CABCOCO1: variants seen among roughly 807,000 people sequenced by gnomAD.
CABCOCO1 encodes ciliary-associated calcium-binding coiled-coil protein 1.
In CABCOCO1, 28 loss-of-function variants were observed where a neutral mutation model predicts 35.7. The observed-to-expected ratio is 0.78, with a 90% CI of 0.58 to 1.07. The LOEUF is 1.07. Among genes scored for constraint, CABCOCO1 ranks in the 50% least tolerant of loss-of-function variants. CABCOCO1 has a pLI of 0.00. For synonymous variants in CABCOCO1, 95 were observed against 100.1 expected, an observed-to-expected ratio of 0.95 and a Z score of 0.30; for missense variants, 326 against 309.2, an observed-to-expected ratio of 1.05 and a Z score of -0.41.
intron 5 of CABCOCO1, among the ~76,000 whole-genome samples, chr10:61,746,551 G>T (rs1235347203): frequency 2.0e-5 from 3 of 152,108 alleles, no homozygotes; most frequent in African/African-American, 7.2e-5. Context: ...TTGTATATCA[G>T]CTTGCTACAC....
At chr10:61,693,537 A>C (rs1840212393) in intron 5 of CABCOCO1, among the ~76,000 whole-genome samples, 1 of 152,180 alleles carries the variant, frequency 6.6e-6, no homozygotes, top group Non-Finnish European at 1.5e-5. Context: ...ATAAGTGAGG[A>C]AAGAATGATG....
chr10:61,668,807 A>G (rs542623139), intron 1 of CABCOCO1, among the ~76,000 whole-genome samples: 28 of 149,118 alleles, frequency 1.9e-4, no homozygotes, highest in African/African-American at 6.2e-4. Context: ...ACAGAATTGA[A>G]GGAAGTGCCA....
chr10:61,680,691 A>AT (rs1564532809), intron 2 of CABCOCO1, among the ~76,000 whole-genome samples: 3,742 of 95,378 alleles, frequency 0.039, 676 homozygotes, highest in African/African-American at 0.15. Flanking sequence ...ATACATGTAT[A>AT]ACATATATAT....
At chr10:61,733,690 A>G (rs1162964733) in intron 5 of CABCOCO1, among the ~76,000 whole-genome samples, 3 of 152,130 alleles carry the variant, frequency 2.0e-5, no homozygotes, top group African/African-American at 2.4e-5. Context: ...CTTTCAAAAT[A>G]TAAGAAACAT....
chr10:61,741,574 CAAT>C (rs143479610), intron 5 of CABCOCO1, among the ~76,000 whole-genome samples: 61,200 of 151,796 alleles, frequency 0.4, 14,391 homozygotes, highest in Middle Eastern at 0.54. Flanking sequence ...ATGATGTTAC[CAAT>C]AATAAGTTGT....
intron 2 of CABCOCO1, among the ~76,000 whole-genome samples, chr10:61,680,669 A>ATATAT (rs1157735137): frequency 1.4e-5 from 1 of 73,562 alleles, no homozygotes; most frequent in African/African-American, 4.1e-5. Flanking sequence ...ATACATGTAT[A>ATATAT]ACATATATGT....
chr10:61,672,378 A>C (rs1181037414), intron 1 of CABCOCO1, among the ~76,000 whole-genome samples: 1 of 152,186 alleles, frequency 6.6e-6, no homozygotes, highest in African/African-American at 2.4e-5. Context: ...TTAGATAATA[A>C]ATATTTGTTG....
chr10:61,686,065 G>A lies in CABCOCO1; in HGVS notation c.359G>A (p.Ser120Asn). 1.9e-6 allele frequency: 3 copies of A among 1,606,300 alleles called. No individual in the cohort carries two copies. Among genetic ancestry groups the A allele is most frequent in the Non-Finnish European group, 2.5e-6 (3 of 1,178,010 alleles). ...GCACTACATATGTCCTTAGAGGAAA[G>A]CATAAAATGGCTTGGAGAAGTTATG... ...LKTLHMSLEE[S>N]IKWLGEVMAE... is the part of the protein sequence containing the mutation. Residue 120 changes from serine (S) to asparagine (N), a missense_variant, in exon 4 of 8, where the codon AGC becomes AAC. By Grantham distance (46) the Ser-to-Asn change is conservative. Transcript: ENST00000648843.
At chr10:61,673,611 A>C (rs564734323) in intron 2 of CABCOCO1, among the ~76,000 whole-genome samples, 1 of 152,320 alleles carries the variant, frequency 6.6e-6, no homozygotes, top group Non-Finnish European at 1.5e-5. Flanking sequence ...CTGAGAAGGG[A>C]ATATGACAGA....
chr10:61,665,446 A>G (rs1839135592), intron 1 of CABCOCO1, among the ~76,000 whole-genome samples: 6 of 152,272 alleles, frequency 3.9e-5, no homozygotes, highest in Admixed American at 3.9e-4. Flanking sequence ...AATGCATAAC[A>G]GAAAAAATGA....
At chr10:61,680,665 GTATAACA>G (rs1839734927) in intron 2 of CABCOCO1, among the ~76,000 whole-genome samples, 1 of 61,280 alleles carries the variant, frequency 1.6e-5, no homozygotes, top group Non-Finnish European at 3.3e-5. Flanking sequence ...TGTTATACAT[GTATAACA>G]TATATGTTAT....
intron 5 of CABCOCO1, among the ~76,000 whole-genome samples, chr10:61,751,870 A>G (rs1841796500): frequency 1.3e-5 from 2 of 152,198 alleles, no homozygotes; most frequent in South Asian, 4.1e-4. Flanking sequence ...TTAAGGGGAA[A>G]AAAATCTACA....
chr10:61,724,157 G>T (rs759750108), intron 5 of CABCOCO1, among the ~76,000 whole-genome samples: 5 of 151,930 alleles, frequency 3.3e-5, no homozygotes, highest in Non-Finnish European at 5.9e-5. Context: ...AAAAAATAAA[G>T]GAAGACTTTA....
At chr10:61,762,993 C>T (rs978940050) in intron 7 of CABCOCO1, among the ~76,000 whole-genome samples, 4 of 152,026 alleles carry the variant, frequency 2.6e-5, no homozygotes, top group African/African-American at 9.7e-5. Flanking sequence ...TTCCAGTGTT[C>T]CTGGCTCTAA....
chr10:61,707,592 A>G (rs61349244), intron 5 of CABCOCO1, among the ~76,000 whole-genome samples: 3 of 152,120 alleles, frequency 2.0e-5, no homozygotes, highest in Non-Finnish European at 4.4e-5. Context: ...ACTTCTAATC[A>G]GAGGCGTGAG....
intron 5 of CABCOCO1, among the ~76,000 whole-genome samples, chr10:61,702,600 A>G (rs761937541): frequency 3.3e-5 from 5 of 152,164 alleles, no homozygotes; most frequent in African/African-American, 1.2e-4. Flanking sequence ...ATATATTTTT[A>G]TTGATCGCTT....
chr10:61,673,733 G>T (rs776404450), intron 2 of CABCOCO1, among the ~76,000 whole-genome samples: 11 of 152,150 alleles, frequency 7.2e-5, no homozygotes, highest in Non-Finnish European at 8.8e-5. Flanking sequence ...ACCTCTGCTG[G>T]AAATTGATTA....
intron 5 of CABCOCO1, among the ~76,000 whole-genome samples, chr10:61,758,432 T>C (rs1158931549): frequency 6.6e-6 from 1 of 152,052 alleles, no homozygotes; most frequent in Non-Finnish European, 1.5e-5. Flanking sequence ...TTTGCCCCAT[T>C]TAGGAAAAAT....
intron 5 of CABCOCO1, among the ~76,000 whole-genome samples, chr10:61,754,158 T>C (rs1841849930): frequency 6.6e-6 from 1 of 152,108 alleles, no homozygotes; most frequent in African/African-American, 2.4e-5. Context: ...AACAATTCGA[T>C]GAAGTAGCCA....
Sources: gnomAD v4.1 joint callset for allele counts (sites outside exome capture counted in the v4.1 genomes callset) on GRCh38, gnomAD v4.1.1 for gene constraint, MANE v1.5 for transcripts, NCBI Gene and HGNC (gene_info 2026-07-23, HGNC 2026-07-21) for gene names.